The following EYS variants were observed in gnomAD, a reference collection of about 807,000 sequenced individuals.
EYS encodes the protein EGF-like photoreceptor maintenance factor, also known as protein eyes shut homolog.
EYS carries 250 observed loss-of-function variants against 282.1 expected under a neutral mutation model. That is an observed-to-expected ratio of 0.89 (90% CI 0.80 to 0.98). The LOEUF (loss-of-function observed/expected upper bound fraction) is 0.98. Ranked by LOEUF, EYS falls within the 50% of genes least tolerant of loss-of-function variation. EYS has a pLI of 0.00. For synonymous variants in EYS, 1,355 were observed against 1,282.9 expected (o/e 1.06, Z -1.20); for missense variants, 4,016 against 3,709.0 (o/e 1.08, Z -2.15).
At chr6:64,098,254 C>T (rs1332763029) in intron 31 of EYS, among the ~76,000 whole-genome samples, 1 of 152,034 alleles carries the variant, frequency 6.6e-6, no homozygotes, top group Non-Finnish European at 1.5e-5. Flanking sequence ...ATAAGAAAGA[C>T]AAATTTCCAT....
At chr6:64,153,426 T>G (rs2150295962) in intron 31 of EYS, among the ~76,000 whole-genome samples, 1 of 152,250 alleles carries the variant, frequency 6.6e-6, no homozygotes, top group South Asian at 2.1e-4. Flanking sequence ...TCACCACTGG[T>G]TTTCTTATTA....
At chr6:65,063,441 T>C (rs932598702) in intron 12 of EYS, among the ~76,000 whole-genome samples, 1 of 152,032 alleles carries the variant, frequency 6.6e-6, no homozygotes, top group African/African-American at 2.4e-5. Context: ...AAAAAGGCAC[T>C]AAGTACTATT....
chr6:65,337,355 T>A (rs1015293938), intron 10 of EYS, among the ~76,000 whole-genome samples: 6 of 151,456 alleles, frequency 4.0e-5, no homozygotes, highest in Admixed American at 2.0e-4. Context: ...AGGCTTTCAT[T>A]TCTGTTTGAG....
intron 22 of EYS, among the ~76,000 whole-genome samples, chr6:64,671,553 T>C (rs550361810): frequency 6.6e-6 from 1 of 152,284 alleles, no homozygotes; most frequent in African/African-American, 2.4e-5. Context: ...TTTGAGACAG[T>C]ATGTTGGTGT....
intron 2 of EYS, among the ~76,000 whole-genome samples, chr6:65,565,624 T>C (rs1040680062): frequency 2.0e-5 from 3 of 152,136 alleles, no homozygotes; most frequent in African/African-American, 7.2e-5. Context: ...TTATATATCA[T>C]GCTACTATAA....
At chr6:64,641,297 T>C (rs1399881995) in intron 22 of EYS, among the ~76,000 whole-genome samples, 3 of 152,136 alleles carry the variant, frequency 2.0e-5, no homozygotes, top group Non-Finnish European at 4.4e-5. Flanking sequence ...CTTGAGAGAC[T>C]CATTCACTAT....
rs1438862117 is a variant in EYS, at chr6:65,308,708, T to TTTGAGTTATATGTTGC, written c.1767-12605_1767-12590dup. 2.5e-3 allele frequency among the ~76,000 whole-genome samples: 366 copies of TTTGAGTTATATGTTGC among 148,992 alleles called. 1 individual carries two copies. Among genetic ancestry groups the TTTGAGTTATATGTTGC allele is most frequent in the African/African-American group, 8.7e-3 (352 of 40,492 alleles). On this transcript the variant is annotated intron_variant, in intron 11 of 42. Coordinates refer to ENST00000503581, the MANE Select transcript of EYS (RefSeq NM_001142800.2). ...AACTGGGATTGACAAAGTGATACAG[T>TTTGAGTTATATGTTGC]TTGAGTTATATGTTGCCATAGAAAG...
At chr6:64,465,203 T>G (rs1046021203) in intron 26 of EYS, among the ~76,000 whole-genome samples, 3 of 152,190 alleles carry the variant, frequency 2.0e-5, no homozygotes, top group Admixed American at 2.0e-4. Flanking sequence ...GATCTACAGA[T>G]TCTATGTAAT....
chr6:64,951,149 T>A (rs546493719), intron 14 of EYS, among the ~76,000 whole-genome samples: 4 of 151,926 alleles, frequency 2.6e-5, no homozygotes, highest in African/African-American at 9.6e-5. Flanking sequence ...CTTTCAACCT[T>A]GTATTTATAG....
chr6:64,930,034 A>G (rs1354352856), intron 15 of EYS, among the ~76,000 whole-genome samples: 1 of 152,126 alleles, frequency 6.6e-6, no homozygotes, highest in Admixed American at 6.6e-5. Context: ...GCTATAGATA[A>G]TTGCTTTAAT....
chr6:64,792,037 G>T (rs751665433), intron 22 of EYS, among the ~76,000 whole-genome samples: 1 of 151,892 alleles, frequency 6.6e-6, no homozygotes. Flanking sequence ...TCCTAGTGCA[G>T]GTTCTGTTGA....
At chr6:65,322,775 G>A (rs1431922988) in intron 11 of EYS, among the ~76,000 whole-genome samples, 42 of 139,748 alleles carry the variant, frequency 3.0e-4, no homozygotes, top group Admixed American at 2.2e-3. Flanking sequence ...CAGCCCAGGT[G>A]AGAGAGCAAG....
intron 28 of EYS, among the ~76,000 whole-genome samples, chr6:64,389,931 C>T (rs604228): frequency 1.2e-4 from 18 of 149,972 alleles, no homozygotes; most frequent in African/African-American, 3.2e-4. Flanking sequence ...GTGCGCCAGC[C>T]GAAGCAGGGC....
intron 5 of EYS, among the ~76,000 whole-genome samples, chr6:65,416,004 G>A (rs186515024): frequency 6.6e-6 from 1 of 152,024 alleles, no homozygotes; most frequent in African/African-American, 2.4e-5. Context: ...CGCGAGGAGA[G>A]AGGAACAAGA....
rs941752781 is a variant in EYS, at chr6:65,627,622, G to A, written c.-333+12156C>T. On this transcript the variant is annotated intron_variant, in intron 2 of 42. Coordinates refer to ENST00000503581, the MANE Select transcript of EYS (RefSeq NM_001142800.2). Reference sequence around the variant, plus strand: ...AGTTCCGGGTGGGCGTGGTCTTGGCGGCCCCACACTCGGAACAGCTGGCCA... The same window carrying A: ...AGTTCCGGGTGGGCGTGGTCTTGGCAGCCCCACACTCGGAACAGCTGGCCA... 3.9e-5 allele frequency among the ~76,000 whole-genome samples: 6 copies of A among 152,170 alleles called. No homozygotes were observed. The East Asian group carries it at 5.8e-4, about 15-fold the overall frequency.
intron 22 of EYS, among the ~76,000 whole-genome samples, chr6:64,810,145 CCT>C (rs1192090521): frequency 6.6e-6 from 1 of 151,754 alleles, no homozygotes; most frequent in Admixed American, 6.6e-5. Context: ...TAAAAATTCC[CCT>C]GACTTGAAGA....
chr6:64,421,931 T>G (rs1028485438), intron 28 of EYS, among the ~76,000 whole-genome samples: 46 of 146,364 alleles, frequency 3.1e-4, no homozygotes, highest in African/African-American at 1.2e-3. Context: ...GGGATTGTGA[T>G]TTTTGCCCTC....
intron 12 of EYS, among the ~76,000 whole-genome samples, chr6:65,163,978 TAAAAC>T (rs1280666295): frequency 1.1e-4 from 17 of 151,352 alleles, no homozygotes; most frequent in Admixed American, 9.9e-4. Flanking sequence ...TCCCTGAGAC[TAAAAC>T]AAGTGTTTTC....
chr6:63,853,482 G>A (rs1772312441), intron 36 of EYS, among the ~76,000 whole-genome samples: 1 of 152,190 alleles, frequency 6.6e-6, no homozygotes, highest in African/African-American at 2.4e-5. Context: ...GGAAATAAGA[G>A]AGGACACAGA....
Sources: allele counts gnomAD v4.1 joint callset (sites outside exome capture counted in the v4.1 genomes callset), GRCh38; gene constraint gnomAD v4.1.1; transcripts MANE v1.5; gene names NCBI Gene and HGNC (gene_info 2026-07-23, HGNC 2026-07-21).